HDAC4: variants seen among roughly 807,000 people sequenced by gnomAD.
HDAC4 encodes histone deacetylase A.
A neutral mutation model predicts 135.1 loss-of-function variants in HDAC4; 16 were observed. The observed-to-expected ratio is 0.12, with a 90% CI of 0.08 to 0.18. The LOEUF (loss-of-function observed/expected upper bound fraction) is 0.18, where lower values mean the gene tolerates loss of function less well. Among genes scored for constraint, HDAC4 ranks in the 10% least tolerant of loss-of-function variants. The probability of loss-of-function intolerance (pLI) is 1.00; values close to 1 mark genes in which losing one functional copy is unlikely to be tolerated. For synonymous variants in HDAC4, 685 were observed against 653.4 expected, an observed-to-expected ratio of 1.05 and a Z score of -0.74; for missense variants, 1,143 against 1,511.8, an observed-to-expected ratio of 0.76 and a Z score of 4.05.
At chr2:239,396,816 T>C (rs962305424) in intron 1 of HDAC4, among the ~76,000 whole-genome samples, 4 of 152,188 alleles carry the variant, frequency 2.6e-5, no homozygotes, top group Non-Finnish European at 2.9e-5. Flanking sequence ...CTCAAATGCT[T>C]TCTTCCAATA....
intron 3 of HDAC4, among the ~76,000 whole-genome samples, chr2:239,234,193 T>C (rs535467796): frequency 1.4e-3 from 215 of 152,380 alleles, no homozygotes; most frequent in African/African-American, 5.1e-3. Flanking sequence ...ACAGGACTGC[T>C]GCACATGCAT....
Position 239,189,927 on chromosome 2 carries a change from T to C in HDAC4, c.245A>G (p.Gln82Arg), listed in dbSNP as rs1369209411. Residue 82 changes from glutamine to arginine, a missense_variant, in exon 4 of 27, where the codon CAG becomes CGG. Gln to Arg is a conservative substitution (Grantham distance 43). This residue lies in a region of HDAC4 where 247 missense variants were observed against 310.0 expected (regional missense o/e 0.80). Coordinates refer to ENST00000543185, the MANE Select transcript of HDAC4 (RefSeq NM_001378414.1). Reference protein sequence around the residue: ...QQELLALKQKQQIQRQILIAE... With the variant: ...QQELLALKQKRQIQRQILIAE... ...GATGAGGATCTGCCTCTGGATCTGC[T>C]GCTTCTGCTTGAGCGCCAGGAGCTC... The C allele has an allele frequency of 6.2e-7, 1 of 1,610,756 alleles. No homozygotes were observed. Among genetic ancestry groups the C allele is most frequent in the Non-Finnish European group, 8.5e-7 (1 of 1,179,904 alleles).
rs186122076 is a variant in HDAC4, at chr2:239,141,524, T to G, written c.866-1728A>C. 3.4e-4 allele frequency among the ~76,000 whole-genome samples: 52 copies of G among 152,314 alleles called. No homozygotes were observed. The highest frequency in any genetic ancestry group is 9.6e-4 in the African/African-American group (40 of 41,582). ...TGTTATTTGCACTGTGAGTGGGCAT[T>G]CTGAGAATGCCACCTGGGCTGAGCC... On this transcript the variant is annotated intron_variant, in intron 8 of 26. Transcript: ENST00000543185. The surrounding 1 kb of genome is among the most constrained non-coding windows in gnomAD (Gnocchi z 4.9).
At chr2:239,143,260 T>TG (rs2041524749) in intron 8 of HDAC4, among the ~76,000 whole-genome samples, 1 of 149,898 alleles carries the variant, frequency 6.7e-6, no homozygotes, top group Admixed American at 6.6e-5. Context: ...CTGCACACTT[T>TG]AAAAAAAAAA....
At chr2:239,098,025 G>A (rs897552059) in intron 16 of HDAC4, among the ~76,000 whole-genome samples, 6 of 152,258 alleles carry the variant, frequency 3.9e-5, no homozygotes, top group Non-Finnish European at 7.3e-5. Context: ...GTATCTGCAA[G>A]AGACTGAATC....
intron 4 of HDAC4, among the ~76,000 whole-genome samples, chr2:239,183,198 G>A (rs193273873): frequency 1.3e-5 from 2 of 152,354 alleles, no homozygotes; most frequent in East Asian, 3.9e-4. Flanking sequence ...TACGTTAAGC[G>A]TACACTGAAC....
In HDAC4 at chr2:239,102,673, G is replaced by A. The variant is rs558024757; in HGVS notation, c.2233+103C>T. On this transcript the variant is annotated intron_variant, in intron 16 of 26. Coordinates refer to ENST00000543185, the MANE Select transcript of HDAC4 (RefSeq NM_001378414.1). ...AGGCCCTTTACCTTATAACCTGGCAGGCGACACCCACAGGTGCCCCAGACA... is the reference window on the plus strand; with the variant it reads ...AGGCCCTTTACCTTATAACCTGGCAAGCGACACCCACAGGTGCCCCAGACA... The A allele has an allele frequency of 2.6e-5, 35 of 1,348,364 alleles. No homozygotes were observed. In the African/African-American group the frequency reaches 4.9e-4, roughly 19 times the overall value. The allele number at this position is 1,348,364 out of a possible 1,614,324, so 83.5% of individuals were successfully genotyped here.
rs572799793 is a variant in HDAC4, at chr2:239,061,707, G to GTTACT, written c.3003+5010_3003+5014dup. Among the ~76,000 whole-genome samples, 326 of 152,302 alleles carry GTTACT rather than the reference G, an allele frequency of 2.1e-3. 2 individuals carry two copies. The highest frequency in any genetic ancestry group is 7.5e-3 in the African/African-American group (313 of 41,552). ...AGTCCCTCACACACACTTGGTTTTC[G>GTTACT]TTACTTTGTTAGAGCTGTTTCACAA... On this transcript the variant is annotated intron_variant, in intron 24 of 26. Coordinates refer to ENST00000543185, the MANE Select transcript of HDAC4 (RefSeq NM_001378414.1).
chr2:239,113,925 C>A (rs1575074438), intron 13 of HDAC4, among the ~76,000 whole-genome samples: 1 of 134,946 alleles, frequency 7.4e-6, no homozygotes, highest in African/African-American at 4.0e-5. Context: ...TAGAGACAGG[C>A]CCCCCTCTGA....
intron 9 of HDAC4, among the ~76,000 whole-genome samples, chr2:239,138,123 T>G (rs899956809): frequency 6.6e-6 from 1 of 152,228 alleles, no homozygotes; most frequent in Non-Finnish European, 1.5e-5. Context: ...TAAGGCTTAT[T>G]ACTGGTAGAC....
At chr2:239,356,468 G>T (rs1032692501) in intron 1 of HDAC4, among the ~76,000 whole-genome samples, 2 of 152,150 alleles carry the variant, frequency 1.3e-5, no homozygotes, top group Admixed American at 1.3e-4. Context: ...GTTTTATAAC[G>T]TACAGTCAAT....
chr2:239,391,050 C>A (rs1413881760), intron 1 of HDAC4, among the ~76,000 whole-genome samples: 1 of 152,254 alleles, frequency 6.6e-6, no homozygotes, highest in Non-Finnish European at 1.5e-5. Flanking sequence ...CCGCTCGAGT[C>A]ATCCTCAGGG....
chr2:239,063,734 A>G (rs1355232741), intron 24 of HDAC4, among the ~76,000 whole-genome samples: 5 of 151,858 alleles, frequency 3.3e-5, no homozygotes, highest in African/African-American at 1.2e-4. Context: ...AGGTGCCTGC[A>G]CTTCTGGGCT....
chr2:239,067,322 C>G (rs1487729639), intron 23 of HDAC4, among the ~76,000 whole-genome samples: 1 of 152,212 alleles, frequency 6.6e-6, no homozygotes, highest in Non-Finnish European at 1.5e-5. Flanking sequence ...GAGCCACAGT[C>G]CCGCCACTGC....
chr2:239,075,732 T>A (rs1436631954), intron 22 of HDAC4, among the ~76,000 whole-genome samples: 2 of 152,250 alleles, frequency 1.3e-5, no homozygotes, highest in African/African-American at 4.8e-5. Context: ...GACACAGCAC[T>A]GCACCCTTCA....
At chr2:239,322,578 T>G (rs1338415837) in intron 2 of HDAC4, among the ~76,000 whole-genome samples, 1 of 152,238 alleles carries the variant, frequency 6.6e-6, no homozygotes, top group Non-Finnish European at 1.5e-5. Context: ...ACTTTCCCAC[T>G]GGCACTGGGT....
chr2:239,196,650 G>A (rs1057225876), intron 3 of HDAC4, among the ~76,000 whole-genome samples: 3 of 152,198 alleles, frequency 2.0e-5, no homozygotes, highest in Admixed American at 6.5e-5. Flanking sequence ...AGTACACCCC[G>A]TCTAACATCT....
chr2:239,209,741 A>G (rs1361844309), intron 3 of HDAC4, among the ~76,000 whole-genome samples: 2 of 152,356 alleles, frequency 1.3e-5, no homozygotes, highest in African/African-American at 4.8e-5. Flanking sequence ...AGCTACTTTA[A>G]CACAGCAACT....
intron 3 of HDAC4, among the ~76,000 whole-genome samples, chr2:239,201,393 C>T (rs1214340458): frequency 6.6e-6 from 1 of 152,156 alleles, no homozygotes; most frequent in Non-Finnish European, 1.5e-5. Flanking sequence ...ACTTCTGCTC[C>T]GGAGTCGATG....
Sources: allele counts gnomAD v4.1 joint callset (sites outside exome capture counted in the v4.1 genomes callset), GRCh38; gene constraint gnomAD v4.1.1; regional missense constraint gnomAD v4.1.1; non-coding constraint Gnocchi (gnomAD v3.1); transcripts MANE v1.5; gene names NCBI Gene and HGNC (gene_info 2026-07-23, HGNC 2026-07-21).